LRP1B: variants seen among roughly 807,000 people sequenced by gnomAD.
LRP1B encodes the protein LDL receptor related protein 1B.
Under a neutral mutation model 556.6 loss-of-function variants are expected in LRP1B, and 217 were observed. The observed-to-expected ratio is 0.39, with a 90% confidence interval of 0.35 to 0.44. The LOEUF (loss-of-function observed/expected upper bound fraction) is 0.44. Ranked by LOEUF, LRP1B falls within the 20% of genes least tolerant of loss-of-function variation. LRP1B has a pLI of 1.00. For missense variants in LRP1B, 5,053 were observed against 5,620.8 expected (o/e 0.90, Z 3.23); for synonymous variants, 2,047 against 1,865.8 (o/e 1.10, Z -2.50).
At chr2:140,761,866 G>A (rs950175058) in intron 35 of LRP1B, among the ~76,000 whole-genome samples, 11 of 152,102 alleles carry the variant, frequency 7.2e-5, no homozygotes, top group Admixed American at 5.9e-4. Flanking sequence ...CCAAGTGTTA[G>A]TAATTTGTTA....
intron 52 of LRP1B, among the ~76,000 whole-genome samples, chr2:140,508,694 T>G (rs2104912367): frequency 6.6e-6 from 1 of 152,304 alleles, no homozygotes; most frequent in South Asian, 2.1e-4. Context: ...TGGATTAATC[T>G]TTAAAACACT....
intron 2 of LRP1B, among the ~76,000 whole-genome samples, chr2:141,537,825 C>T (rs1050227301): frequency 6.6e-6 from 1 of 151,948 alleles, no homozygotes; most frequent in Non-Finnish European, 1.5e-5. Context: ...GAGTGGGGAG[C>T]GGGATTGTGC....
At chr2:140,950,510 G>T in intron 19 of LRP1B, 108 bp from the exon 20 acceptor site, 1 of 864,522 alleles carries the variant, frequency 1.2e-6, no homozygotes, top group Non-Finnish European at 1.7e-6. Context: ...TTGAGACAGA[G>T]TCTTGCTCTG....
At chr2:141,024,716 T>C (rs1273738703) in intron 11 of LRP1B, among the ~76,000 whole-genome samples, 1 of 152,040 alleles carries the variant, frequency 6.6e-6, no homozygotes, top group Non-Finnish European at 1.5e-5. Context: ...ACAAGACTTG[T>C]GGATCAGATA....
chr2:141,546,522 G>A (rs1254752686), intron 2 of LRP1B, among the ~76,000 whole-genome samples: 2 of 151,960 alleles, frequency 1.3e-5, no homozygotes, highest in Admixed American at 1.3e-4. Context: ...CTCTTCTAAG[G>A]ATCTTTTGTC....
intron 7 of LRP1B, among the ~76,000 whole-genome samples, chr2:141,088,680 A>G (rs1367410912): frequency 2.6e-5 from 4 of 152,184 alleles, no homozygotes; most frequent in South Asian, 2.1e-4. Context: ...GGAAAACACT[A>G]TAATAGGTGC....
At chr2:141,278,008 T>C (rs1020848231) in intron 3 of LRP1B, among the ~76,000 whole-genome samples, 18 of 152,094 alleles carry the variant, frequency 1.2e-4, no homozygotes, top group African/African-American at 3.9e-4. Flanking sequence ...AAGAAAACAT[T>C]AAGTAAATAT....
At chr2:140,643,859 A>G (rs1398972819) in intron 41 of LRP1B, among the ~76,000 whole-genome samples, 1 of 152,214 alleles carries the variant, frequency 6.6e-6, no homozygotes, top group Non-Finnish European at 1.5e-5. Context: ...CCTTGAGAGT[A>G]TGAATCATAT....
At chr2:142,102,752 T>C (rs1485243695) in intron 1 of LRP1B, among the ~76,000 whole-genome samples, 1 of 151,846 alleles carries the variant, frequency 6.6e-6, no homozygotes, top group Admixed American at 6.6e-5. Context: ...ATTTATTCTA[T>C]GTGTCCAAGT....
intron 41 of LRP1B, among the ~76,000 whole-genome samples, chr2:140,634,650 G>A (rs767164727): frequency 6.6e-6 from 1 of 151,984 alleles, no homozygotes; most frequent in Non-Finnish European, 1.5e-5. Context: ...ATGCATATTT[G>A]ACATGACATG....
chr2:142,020,966 C>T (rs1414906493), intron 1 of LRP1B, among the ~76,000 whole-genome samples: 1 of 152,164 alleles, frequency 6.6e-6, no homozygotes, highest in Non-Finnish European at 1.5e-5. Context: ...AGATCTACTT[C>T]CATGAATGAC....
intron 79 of LRP1B, among the ~76,000 whole-genome samples, chr2:140,331,134 TAGCACTGG>T (rs1049145168): frequency 1.3e-5 from 2 of 152,138 alleles, no homozygotes; most frequent in African/African-American, 4.8e-5. Flanking sequence ...ATGTTCACTG[TAGCACTGG>T]TCACAATAGC....
At chr2:141,687,621 G>T (rs1188461363) in intron 2 of LRP1B, among the ~76,000 whole-genome samples, 1 of 151,774 alleles carries the variant, frequency 6.6e-6, no homozygotes, top group Non-Finnish European at 1.5e-5. Flanking sequence ...AGCATTAATG[G>T]GTTAATAGAA....
chr2:140,983,152 T>C (rs973102510), intron 17 of LRP1B, among the ~76,000 whole-genome samples: 5 of 152,116 alleles, frequency 3.3e-5, no homozygotes, highest in African/African-American at 1.2e-4. Flanking sequence ...CATGCTTAGT[T>C]GTTTTTATCC....
chr2:141,514,650 T>C (rs1454442707), intron 2 of LRP1B, among the ~76,000 whole-genome samples: 3 of 152,148 alleles, frequency 2.0e-5, no homozygotes, highest in African/African-American at 7.2e-5. Flanking sequence ...CCATCATAAG[T>C]TGAAAATATT....
intron 1 of LRP1B, among the ~76,000 whole-genome samples, chr2:141,810,921 T>C (rs1696333746): frequency 6.6e-6 from 1 of 151,974 alleles, no homozygotes; most frequent in African/African-American, 2.4e-5. Context: ...AATATCACAG[T>C]ATTTTCTTTT....
At chr2:141,866,993 A>G (rs1698432966) in intron 1 of LRP1B, among the ~76,000 whole-genome samples, 2 of 152,162 alleles carry the variant, frequency 1.3e-5, no homozygotes, top group South Asian at 4.1e-4. Flanking sequence ...ATCTGGAAGT[A>G]GGTTTCTTTG....
intron 2 of LRP1B, among the ~76,000 whole-genome samples, chr2:141,568,791 T>TC (rs1295567079): frequency 1.3e-5 from 2 of 151,328 alleles, no homozygotes; most frequent in Non-Finnish European, 3.0e-5. Flanking sequence ...TCTTGCCCTG[T>TC]CACCCAGACT....
intron 16 of LRP1B, among the ~76,000 whole-genome samples, chr2:140,990,373 T>C (rs949805978): frequency 2.0e-5 from 3 of 152,072 alleles, no homozygotes; most frequent in Non-Finnish European, 1.5e-5. Context: ...ATATTAAAAA[T>C]ATTTTTTAAA....
Sources: allele counts gnomAD v4.1 joint callset (sites outside exome capture counted in the v4.1 genomes callset), GRCh38; gene constraint gnomAD v4.1.1; transcripts MANE v1.5; gene names NCBI Gene and HGNC (gene_info 2026-07-23, HGNC 2026-07-21).